Variants in GLIS3 observed in about 807,000 individuals in gnomAD.
GLIS3 encodes zinc finger protein GLIS3.
A neutral mutation model predicts 78.6 loss-of-function variants in GLIS3; 53 were observed. The observed-to-expected ratio is 0.67, with a 90% CI of 0.54 to 0.85. The LOEUF (loss-of-function observed/expected upper bound fraction) is 0.85, where lower values mean the gene tolerates loss of function less well. Among genes scored for constraint, GLIS3 ranks in the 40% least tolerant of loss-of-function variants. GLIS3 has a pLI of 0.00. For synonymous variants in GLIS3, 684 were observed against 509.9 expected, an observed-to-expected ratio of 1.34 and a Z score of -4.60; for missense variants, 1,703 against 1,231.1, an observed-to-expected ratio of 1.38 and a Z score of -5.74.
chr9:4,304,304 G>A (rs979047407), upstream of GLIS3, among the ~76,000 whole-genome samples: 1 of 152,152 alleles, frequency 6.6e-6, no homozygotes, highest in Non-Finnish European at 1.5e-5. Context: ...GTGTGAAGGA[G>A]GCAGGAATAA....
intron 4 of GLIS3, among the ~76,000 whole-genome samples, chr9:3,969,667 C>G (rs1389252868): frequency 6.6e-6 from 1 of 152,116 alleles, no homozygotes; most frequent in Non-Finnish European, 1.5e-5. Flanking sequence ...TTTTCCCAAC[C>G]AAATACAGCC....
At chr9:4,059,862 G>GAA (rs1476280010) in intron 4 of GLIS3, among the ~76,000 whole-genome samples, 10 of 150,324 alleles carry the variant, frequency 6.7e-5, no homozygotes, top group Non-Finnish European at 1.3e-4. Flanking sequence ...GAGAGAGAGA[G>GAA]AGAGAAAGAG....
At chr9:4,242,990 CT>C (rs1431057607) in intron 2 of GLIS3, among the ~76,000 whole-genome samples, 2 of 151,878 alleles carry the variant, frequency 1.3e-5, no homozygotes, top group African/African-American at 4.8e-5. Context: ...CAGAAAAGCT[CT>C]GCCTTGTATG....
the GLIS3 span, among the ~76,000 whole-genome samples, chr9:4,375,060 G>A: frequency 2.6e-5 from 4 of 152,158 alleles, no homozygotes; most frequent in African/African-American, 9.7e-5. Context: ...ATGATGCTTT[G>A]ATTGCTCTCT....
the GLIS3 span, among the ~76,000 whole-genome samples, chr9:4,355,162 G>A: frequency 6.6e-6 from 1 of 151,638 alleles, no homozygotes; most frequent in Non-Finnish European, 1.5e-5. Flanking sequence ...AAAGAAAAAA[G>A]AGAGAGAGTT....
chr9:3,848,829 A>G (rs1218658118), intron 9 of GLIS3, among the ~76,000 whole-genome samples: 3 of 152,202 alleles, frequency 2.0e-5, no homozygotes, highest in Non-Finnish European at 2.9e-5. Context: ...GTTGCAGTCA[A>G]TTTGAACTGG....
chr9:4,197,547 T>C (rs997285393), intron 2 of GLIS3, among the ~76,000 whole-genome samples: 4 of 152,160 alleles, frequency 2.6e-5, no homozygotes, highest in South Asian at 2.1e-4. Context: ...ATCTGGGCAT[T>C]TGGTGTCCGC....
At chr9:4,116,913 C>A (rs572920303) in intron 4 of GLIS3, among the ~76,000 whole-genome samples, 2 of 152,278 alleles carry the variant, frequency 1.3e-5, no homozygotes, top group African/African-American at 4.8e-5. Flanking sequence ...ATCCTGTGAT[C>A]CCAAGGGTGA....
intron 4 of GLIS3, among the ~76,000 whole-genome samples, chr9:4,007,934 G>C (rs1273853530): frequency 1.3e-5 from 2 of 151,316 alleles, no homozygotes; most frequent in African/African-American, 2.4e-5. Flanking sequence ...TATCACTCCA[G>C]ATAGCTTGGG....
intron 4 of GLIS3, among the ~76,000 whole-genome samples, chr9:3,983,093 T>C (rs1416661279): frequency 6.6e-6 from 1 of 152,124 alleles, no homozygotes; most frequent in Non-Finnish European, 1.5e-5. Context: ...ATAACTCCAA[T>C]GTGTCAGGAG....
chr9:4,434,012 A>C, the GLIS3 span, among the ~76,000 whole-genome samples: 43,617 of 150,226 alleles, frequency 0.29, 6,455 homozygotes, highest in East Asian at 0.43. Context: ...AGGAGAATGG[A>C]GTGAACCCAG....
At chr9:4,430,042 A>AACAG in the GLIS3 span, among the ~76,000 whole-genome samples, 1 of 151,834 alleles carries the variant, frequency 6.6e-6, no homozygotes, top group African/African-American at 2.4e-5. Context: ...CAAACAAACA[A>AACAG]ACAAACAAAC....
intron 2 of GLIS3, among the ~76,000 whole-genome samples, chr9:4,272,918 AAC>A (rs1826648456): frequency 6.6e-6 from 1 of 152,218 alleles, no homozygotes; most frequent in Non-Finnish European, 1.5e-5. Context: ...TAGTTTGTAC[AAC>A]AAATTATATG....
Position 3,825,341 on chromosome 9 carries a change from G to T in GLIS3, c.*2931C>A, listed in dbSNP as rs1817669978. 1.3e-5 allele frequency: 2 copies of T among 152,060 alleles called. No individual in the cohort carries two copies. Among genetic ancestry groups the T allele is most frequent in the African/African-American group, 4.8e-5 (2 of 41,400 alleles). 9.4% of individuals were successfully genotyped at this position (152,060 alleles called of 1,614,324 possible). On this transcript the variant is annotated 3_prime_UTR_variant, in exon 11 of 11. Transcript: ENST00000381971. ...AATATTTAAATAATATTTAACAGCT[G>T]ATCAGAGGCTAAATTACAACTGACA... is the stretch of plus-strand genomic sequence containing the variant.
At chr9:4,470,258 G>A in the GLIS3 span, among the ~76,000 whole-genome samples, 1 of 152,132 alleles carries the variant, frequency 6.6e-6, no homozygotes, top group Admixed American at 6.5e-5. Context: ...ATTTTATGAG[G>A]CCAGCATCAT....
At chr9:3,839,346 C>CCCATTTGTTTT (rs1244144857) in intron 9 of GLIS3, among the ~76,000 whole-genome samples, 1 of 152,134 alleles carries the variant, frequency 6.6e-6, no homozygotes. Flanking sequence ...ATGAAAACAG[C>CCCATTTGTTTT]AATCACACAA....
chr9:4,181,678 C>G (rs1171749679), intron 2 of GLIS3, among the ~76,000 whole-genome samples: 1 of 152,236 alleles, frequency 6.6e-6, no homozygotes, highest in Non-Finnish European at 1.5e-5. Flanking sequence ...TTCTTTGAAG[C>G]CGTACTTCAC....
rs764678471 is a variant in GLIS3, at chr9:4,331,619, G to A, written n.264+15462C>T. Among the ~76,000 whole-genome samples, 11 of 152,272 alleles carry A rather than the reference G, an allele frequency of 7.2e-5. No homozygotes were observed. In the East Asian group the frequency reaches 1.2e-3, roughly 16 times the overall value. On this transcript the variant is annotated intron_variant and non_coding_transcript_variant, in intron 2 of 4. Transcript: ENST00000471664. ...ATGGAGCCTGTACTTGAGCGACAGC[G>A]GTCAGTGGTAAATTCACCCAATTAC...
At chr9:4,416,922 G>A in the GLIS3 span, among the ~76,000 whole-genome samples, 4 of 149,978 alleles carry the variant, frequency 2.7e-5, no homozygotes, top group Non-Finnish European at 5.9e-5. Flanking sequence ...AGGTTCAAGC[G>A]ATTCTCCTTC....
Sources: allele counts gnomAD v4.1 joint callset (sites outside exome capture counted in the v4.1 genomes callset), GRCh38; gene constraint gnomAD v4.1.1; transcripts MANE v1.5; gene names NCBI Gene and HGNC (gene_info 2026-07-23, HGNC 2026-07-21).